The following ZBED6 variants were observed in gnomAD, a reference collection of about 807,000 sequenced individuals.
The protein encoded by ZBED6 is zinc finger BED-type containing 6.
Under a neutral mutation model 58.4 loss-of-function variants are expected in ZBED6, and 40 were observed. The ratio of observed to expected loss-of-function variants is 0.68; its 90% CI spans 0.53 to 0.89. ZBED6 has a LOEUF of 0.89. Among genes scored for constraint, ZBED6 ranks in the 40% least tolerant of loss-of-function variants. ZBED6 has a pLI of 0.00. For synonymous variants in ZBED6, 439 were observed against 350.6 expected (o/e 1.25, Z -2.82); for missense variants, 1,057 against 1,003.9 (o/e 1.05, Z -0.71).
chr1:203,828,391 T>C (rs1320739263), exon 4 of ZBED6: 5 of 1,613,810 alleles, frequency 3.1e-6, no homozygotes, highest in South Asian at 1.1e-5. Context: ...GAGGACGATA[T>C]GTTGATGGCC....
intron 3 of ZBED6, among the ~76,000 whole-genome samples, chr1:203,821,609 C>G (rs2102876201): frequency 6.6e-6 from 1 of 152,194 alleles, no homozygotes; most frequent in African/African-American, 2.4e-5. Context: ...CCAAGGTGCC[C>G]TGGTTTCTTT....
intron 12 of ZBED6, 22 bp from the exon 13 acceptor site, chr1:203,848,309 G>T: frequency 6.3e-7 from 1 of 1,581,528 alleles, no homozygotes. Flanking sequence ...AATAACTAAT[G>T]ATGTCTTTAA....
Position 203,796,970 on chromosome 1 carries a change from T to A in ZBED6, c.-553T>A, listed in dbSNP as rs1668735301. On this transcript the variant is annotated 5_prime_UTR_variant, in exon 1 of 17. An upstream open reading frame in the 5' UTR gains an earlier in-frame stop. Transcript: ENST00000550078. The stretch of plus-strand genomic sequence containing the variant: ...TTTCCAGAATTGACTTTTTGGGTTG[T>A]ATTGGCAAATCACAGTCCTAAATGA... 1 of 153,226 alleles carries A rather than the reference T, an allele frequency of 6.5e-6. No homozygotes were observed. 9.5% of individuals were successfully genotyped at this position (153,226 alleles called of 1,614,324 possible). A position where few individuals can be genotyped will look rare whatever the true frequency, so the allele number is the denominator to read the frequency against.
At chr1:203,797,392 G>T in exon 1 of ZBED6, 1 of 852,618 alleles carries the variant, frequency 1.2e-6, no homozygotes, top group Non-Finnish European at 1.7e-6. Flanking sequence ...GAAGTTATTG[G>T]TCCAGTGGGA....
At chr1:203,805,097 T>C (rs1304932586) in intron 1 of ZBED6, among the ~76,000 whole-genome samples, 1 of 152,078 alleles carries the variant, frequency 6.6e-6, no homozygotes, top group Non-Finnish European at 1.5e-5. Context: ...AGATGTAGTA[T>C]TAAGGAAACC....
chr1:203,850,919 A>G lies in ZBED6; in HGVS notation c.*4806-138A>G, dbSNP rs1689094209. ...GATATTTTGCTTATTTATATACTCA[A>G]CCTTTAGATTATCGATTCTTAGATT... On this transcript the variant is annotated intron_variant, in intron 15 of 16. Transcript: ENST00000550078. The G allele has an allele frequency of 4.1e-6, 5 of 1,224,506 alleles. No homozygotes were observed. In the South Asian group the frequency reaches 5.6e-5, roughly 14 times the overall value. The allele number at this position is 1,224,506 out of a possible 1,614,324, so 75.9% of individuals were successfully genotyped here.
At position 203,840,158 on chromosome 1, in the gene ZBED6, TGAA is replaced by T. The variant is rs1353011880; in HGVS notation, c.*3673-146_*3673-144del. 6 of 690,284 alleles carry T rather than the reference TGAA, an allele frequency of 8.7e-6. No homozygotes were observed. In the African/African-American group the frequency reaches 1.1e-4, roughly 13 times the overall value. 42.8% of individuals were successfully genotyped at this position (690,284 alleles called of 1,614,324 possible). On this transcript the variant is annotated intron_variant, in intron 10 of 16. Transcript: ENST00000550078. ...TTCACCATGTTGGCCAGGCTGGCCT[TGAA>T]GTCCTGACCTCAAGTGATCAGCCTG...
At chr1:203,820,167 G>A (rs1484268807) in intron 3 of ZBED6, among the ~76,000 whole-genome samples, 5 of 151,662 alleles carry the variant, frequency 3.3e-5, no homozygotes, top group African/African-American at 1.2e-4. Context: ...CCTGGGAGGC[G>A]GAGGTTGCAC....
chr1:203,799,855 T>G, exon 1 of ZBED6: 1 of 1,533,222 alleles, frequency 6.5e-7, no homozygotes, highest in Non-Finnish European at 8.7e-7. Flanking sequence ...AAAAACAGTT[T>G]GGAAGACTTT....
Position 203,798,155 on chromosome 1 carries a change from C to G in ZBED6, c.633C>G (p.Ser211Arg), listed in dbSNP as rs558694492. Reference sequence around the variant, plus strand: ...TGTCTTTATCTCCCTCTTCTGGAAGCAATGGAAGCTTTGAATATATTCCTA... The same window carrying G: ...TGTCTTTATCTCCCTCTTCTGGAAGGAATGGAAGCTTTGAATATATTCCTA... The change falls in exon 1 of 17, where the codon AGC becomes AGG. Residue 211 changes from serine (S) to arginine (R), a missense_variant. Transcript: ENST00000550078. 16 of 1,536,096 alleles carry G rather than the reference C, an allele frequency of 1.0e-5. No homozygotes were observed. The South Asian group carries it at 1.9e-4, about 18-fold the overall frequency.
At chr1:203,806,791 TA>T (rs1402821053) in intron 1 of ZBED6, among the ~76,000 whole-genome samples, 2 of 150,632 alleles carry the variant, frequency 1.3e-5, no homozygotes, top group Non-Finnish European at 3.0e-5. Context: ...CCTTACAATT[TA>T]CCAAGTTTTT....
chr1:203,815,205 C>CT (rs1553261480), intron 1 of ZBED6, among the ~76,000 whole-genome samples: 2 of 63,410 alleles, frequency 3.2e-5, no homozygotes, highest in Non-Finnish European at 6.0e-5. Flanking sequence ...TTATTTTCTT[C>CT]CTTTTCTTTT....
chr1:203,814,723 T>C (rs1675676997), intron 1 of ZBED6, among the ~76,000 whole-genome samples: 1 of 152,218 alleles, frequency 6.6e-6, no homozygotes, highest in Admixed American at 6.5e-5. Context: ...TGCTTACATA[T>C]TTTTAGATTT....
At chr1:203,849,775 G>A (rs1412940553) in exon 14 of ZBED6, 24 of 1,613,796 alleles carry the variant, frequency 1.5e-5, no homozygotes, top group Non-Finnish European at 2.0e-5. Context: ...GAGACCATGA[G>A]AGAGAAGCAC....
intron 3 of ZBED6, among the ~76,000 whole-genome samples, chr1:203,826,650 A>C (rs1184407799): frequency 6.6e-6 from 1 of 152,024 alleles, no homozygotes; most frequent in South Asian, 2.1e-4. Flanking sequence ...TGTAATGGTT[A>C]TTGTTTCTCT....
intron 9 of ZBED6, among the ~76,000 whole-genome samples, chr1:203,835,071 C>G (rs1262138231): frequency 6.6e-6 from 1 of 152,232 alleles, no homozygotes; most frequent in Non-Finnish European, 1.5e-5. Flanking sequence ...ACTACCCTAT[C>G]TTCAGAACCG....
chr1:203,816,915 C>A lies in ZBED6; in HGVS notation c.*2555-11C>A. 1.9e-6 allele frequency: 1 copy of A among 531,498 alleles called. No individual in the cohort carries two copies. Among genetic ancestry groups the A allele is most frequent in the South Asian group, 3.3e-5 (1 of 29,926 alleles). 32.9% of individuals were successfully genotyped at this position (531,498 alleles called of 1,614,324 possible). On this transcript the variant is annotated splice_polypyrimidine_tract_variant and intron_variant, in intron 1 of 16. Coordinates refer to ENST00000550078, the Ensembl canonical transcript of ZBED6. ...CCTGAAATATTTTAATTCATTGTCT[C>A]CTCATTTTAGGATTACAGTTTAAAG...
chr1:203,850,779 C>G, intron 15 of ZBED6, 98 bp downstream of exon 15: 1 of 1,464,872 alleles, frequency 6.8e-7, no homozygotes, highest in Non-Finnish European at 9.3e-7. Context: ...TATATCACTT[C>G]CTGGCATTTC....
chr1:203,806,165 T>C, intron 1 of ZBED6: 1 of 498,160 alleles, frequency 2.0e-6, no homozygotes, highest in Non-Finnish European at 4.0e-6. Flanking sequence ...AATCTAGAAA[T>C]CTTGTCAGTG....
Sources: gnomAD v4.1 joint callset for allele counts (sites outside exome capture counted in the v4.1 genomes callset) on GRCh38, gnomAD v4.1.1 for gene constraint, MANE v1.5 for transcripts, NCBI Gene and HGNC (gene_info 2026-07-23, HGNC 2026-07-21) for gene names.